TXLNA: variants seen among roughly 807,000 people sequenced by gnomAD.
The protein encoded by TXLNA is taxilin alpha.
Under a neutral mutation model 61.4 loss-of-function variants are expected in TXLNA, and 9 were observed. That is an observed-to-expected ratio of 0.15 (90% CI 0.09 to 0.26). The LOEUF (loss-of-function observed/expected upper bound fraction) is 0.26. TXLNA is among the 10% of genes least tolerant of loss of function. TXLNA has a pLI of 1.00. For synonymous variants in TXLNA, 257 were observed against 267.7 expected (o/e 0.96, Z 0.39); for missense variants, 565 against 688.8 (o/e 0.82, Z 2.01).
At chr1:32,187,186 G>T (rs11802107) in intron 4 of TXLNA, among the ~76,000 whole-genome samples, 10,623 of 152,270 alleles carry the variant, frequency 0.07, 422 homozygotes, top group East Asian at 0.12. Context: ...ACAGGCATGA[G>T]CCACCACTCC....
At chr1:32,193,381 TC>T in intron 9 of TXLNA, 81 bp downstream of exon 9, 1 of 1,082,798 alleles carries the variant, frequency 9.2e-7, no homozygotes, top group South Asian at 1.3e-5. Context: ...TTCAGGAAGC[TC>T]CCATCTGGGG....
In TXLNA at chr1:32,190,107, C is replaced by G. The variant is rs367602691; in HGVS notation, c.821C>G (p.Thr274Ser). ...REEEEKRKEV[T>S]SHFQVTLNDI... ...GAGGAGGAGAAGCGCAAGGAGGTGA[C>G]CTCGCACTTCCAGGTGACACTGAAT... The change falls in exon 6 of 11, where the codon ACC becomes AGC. Residue 274 changes from threonine (T) to serine (S), a missense_variant. Thr to Ser is a moderately conservative substitution (Grantham distance 58). Coordinates refer to ENST00000373610, the MANE Select transcript of TXLNA (RefSeq NM_175852.4). 36 of 1,592,380 alleles carry G rather than the reference C, an allele frequency of 2.3e-5. No homozygotes were observed. Among genetic ancestry groups the G allele is most frequent in the Non-Finnish European group, 3.1e-5 (36 of 1,169,706 alleles).
At chr1:32,188,638 C>T (rs1233419623) in intron 5 of TXLNA, among the ~76,000 whole-genome samples, 1 of 122,900 alleles carries the variant, frequency 8.1e-6, no homozygotes, top group African/African-American at 3.0e-5. Context: ...ACTCAGTGTC[C>T]AAAAAAAAAA....
chr1:32,186,268 G>A (rs1000056294), intron 4 of TXLNA, among the ~76,000 whole-genome samples: 4 of 152,192 alleles, frequency 2.6e-5, no homozygotes, highest in African/African-American at 9.6e-5. Flanking sequence ...GGGCTTGGCT[G>A]TGGTAACCAC....
At chr1:32,188,866 G>C (rs1287558088) in intron 5 of TXLNA, among the ~76,000 whole-genome samples, 1 of 152,162 alleles carries the variant, frequency 6.6e-6, no homozygotes, top group Non-Finnish European at 1.5e-5. Context: ...CCCAGACGTT[G>C]GTCAGTCAGG....
chr1:32,194,419 G>A (rs1642970341), intron 10 of TXLNA, among the ~76,000 whole-genome samples: 1 of 152,226 alleles, frequency 6.6e-6, no homozygotes, highest in Non-Finnish European at 1.5e-5. Context: ...CCAGTGATGT[G>A]CCTGGTTTAC....
At chr1:32,189,608 G>C (rs1210563042) in intron 5 of TXLNA, among the ~76,000 whole-genome samples, 4 of 151,182 alleles carry the variant, frequency 2.6e-5, no homozygotes, top group Non-Finnish European at 2.9e-5. Context: ...GCAGTGGCGC[G>C]ATCATAGCTC....
intron 9 of TXLNA, 142 bp downstream of exon 9, chr1:32,193,442 A>G: frequency 1.5e-6 from 1 of 669,950 alleles, no homozygotes; most frequent in South Asian, 1.7e-5. Context: ...TCCCCTCTTG[A>G]GGCAGTATCA....
At chr1:32,191,490 T>C (rs1329496597) in intron 6 of TXLNA, among the ~76,000 whole-genome samples, 1 of 152,046 alleles carries the variant, frequency 6.6e-6, no homozygotes, top group African/African-American at 2.4e-5. Flanking sequence ...CGCTGAGACA[T>C]AGAGGCTTCC....
intron 6 of TXLNA, among the ~76,000 whole-genome samples, chr1:32,191,364 G>T (rs1279736286): frequency 6.6e-6 from 1 of 152,166 alleles, no homozygotes; most frequent in Non-Finnish European, 1.5e-5. Flanking sequence ...ATGATCGTGT[G>T]TGCAGGACCT....
rs147449787 is a variant in TXLNA, at chr1:32,190,090, G to A, written c.804G>A (p.Glu268=). 6.3e-6 allele frequency: 10 copies of A among 1,588,042 alleles called. No homozygotes were observed. In the African/African-American group the frequency reaches 9.4e-5, roughly 15 times the overall value. ...TGCAGCGGGCCCGGGAGGAGGAGGA[G>A]AAGCGCAAGGAGGTGACCTCGCACT... The part of the protein sequence containing the change: ...EGVQRAREEE[E]KRKEVTSHFQ... Residue 268 remains glutamate (E), a synonymous_variant, in exon 6 of 11, where the codon GAG becomes GAA. Transcript: ENST00000373610.
intron 9 of TXLNA, among the ~76,000 whole-genome samples, chr1:32,193,526 T>TTGTTG (rs1557506779): frequency 9.4e-5 from 14 of 148,932 alleles, no homozygotes; most frequent in African/African-American, 3.5e-4. Flanking sequence ...TTTTGGGGGG[T>TTGTTG]TTGTTGTTGT....
rs918748099 is a variant in TXLNA, at chr1:32,192,242, G to A, written c.964-69G>A. The stretch of plus-strand genomic sequence containing the variant: ...GGGGCTGGGCAAAGTGCCCTGGTCT[G>A]TGGCTGTGGGGCTACCCTGAGAAAG... On this transcript the variant is annotated intron_variant, in intron 6 of 10. Transcript: ENST00000373610. The surrounding 1 kb of genome is among the most constrained non-coding windows in gnomAD (Gnocchi z 4.2). 3.1e-6 allele frequency: 5 copies of A among 1,590,470 alleles called. No homozygotes were observed. The African/African-American group carries it at 6.7e-5, about 21-fold the overall frequency.
At chr1:32,187,245 G>A (rs965446736) in intron 4 of TXLNA, among the ~76,000 whole-genome samples, 1 of 152,138 alleles carries the variant, frequency 6.6e-6, no homozygotes, top group Non-Finnish European at 1.5e-5. Flanking sequence ...TAATGTTTTG[G>A]ATATTAGGTT....
Position 32,192,466 on chromosome 1 carries a change from G to GA in TXLNA, c.1083+37dup, listed in dbSNP as rs1642929146. ...GGCCCCAGGGTTGGGGTGGGGGTGG[G>GA]AGGAGACAGGCTGGGCTCTGGCTCA... On this transcript the variant is annotated intron_variant, in intron 7 of 10. Coordinates refer to ENST00000373610, the MANE Select transcript of TXLNA (RefSeq NM_175852.4). The surrounding 1 kb of genome is among the most constrained non-coding windows in gnomAD (Gnocchi z 4.2). 6.2e-7 allele frequency: 1 copy of GA among 1,610,734 alleles called. No homozygotes were observed. Among genetic ancestry groups the GA allele is most frequent in the Non-Finnish European group, 8.5e-7 (1 of 1,177,494 alleles).
chr1:32,195,683 TG>T lies in TXLNA; in HGVS notation c.*489del. On this transcript the variant is annotated 3_prime_UTR_variant, in exon 11 of 11. Coordinates refer to ENST00000373610, the MANE Select transcript of TXLNA (RefSeq NM_175852.4). Reference sequence around the variant, plus strand: ...CTCCTAGCTGCTCTGGAGGCTCCTTTGATTCTCTAGACCTGGAAAAGGTGTC... The same window carrying T: ...CTCCTAGCTGCTCTGGAGGCTCCTTTATTCTCTAGACCTGGAAAAGGTGTC... The T allele has an allele frequency of 2.2e-6, 1 of 456,296 alleles. No homozygotes were observed. The highest frequency in any genetic ancestry group is 4.4e-6 in the Non-Finnish European group (1 of 227,224). The allele number at this position is 456,296 out of a possible 1,614,324, so 28.3% of individuals were successfully genotyped here.
At chr1:32,188,638 CAAAA>C (rs200085167) in intron 5 of TXLNA, among the ~76,000 whole-genome samples, 1 of 122,928 alleles carries the variant, frequency 8.1e-6, no homozygotes, top group Non-Finnish European at 1.8e-5. Context: ...ACTCAGTGTC[CAAAA>C]AAAAAAAAAA....
Position 32,193,278 on chromosome 1 carries a change from C to A in TXLNA, c.1229C>A (p.Thr410Lys). 1 of 1,613,466 alleles carries A rather than the reference C, an allele frequency of 6.2e-7. No individual in the cohort carries two copies. The highest frequency in any genetic ancestry group is 2.2e-5 in the East Asian group (1 of 44,816). Residue 410 changes from threonine to lysine, a missense_variant, in exon 9 of 11, where the codon ACA becomes AAA. By Grantham distance (78) the Thr-to-Lys change is moderately conservative. Around this residue, in one of 2 missense-constraint regions of TXLNA, gnomAD observed 373 missense variants for 504.0 expected, o/e 0.74. Transcript: ENST00000373610. ...TLSKSSEVFT[T>K]FKQEMEKMTK... ...TCCAAAAGCAGCGAGGTATTCACCA[C>A]ATTCAAGCAGGAGATGGAAAAGGTA...
Position 32,183,040 on chromosome 1 carries a change from C to G in TXLNA, c.505+1463C>G, listed in dbSNP as rs545412177. 1.1e-4 allele frequency among the ~76,000 whole-genome samples: 17 copies of G among 152,008 alleles called. 1 individual carries two copies. The South Asian group carries it at 3.3e-3, about 30-fold the overall frequency. ...TGAGATCATGCCATTGCACTCCAGC[C>G]TGGGTGACAGGGTGAGACTCCATCT... On this transcript the variant is annotated intron_variant, in intron 3 of 10. Coordinates refer to ENST00000373610, the MANE Select transcript of TXLNA (RefSeq NM_175852.4).
Sources: allele counts gnomAD v4.1 joint callset (sites outside exome capture counted in the v4.1 genomes callset), GRCh38; gene constraint gnomAD v4.1.1; regional missense constraint gnomAD v4.1.1; non-coding constraint Gnocchi (gnomAD v3.1); transcripts MANE v1.5; gene names NCBI Gene and HGNC (gene_info 2026-07-23, HGNC 2026-07-21).